PACRG: variants seen among roughly 807,000 people sequenced by gnomAD.
The protein encoded by PACRG is parkin coregulated gene protein.
PACRG carries 29 observed loss-of-function variants against 29.7 expected under a neutral mutation model. The observed-to-expected ratio is 0.98, with a 90% CI of 0.73 to 1.33. The LOEUF is 1.33. PACRG is among the 40% of genes most tolerant of loss of function. The pLI, the probability that PACRG is intolerant of heterozygous loss-of-function variation, is 0.00. For missense variants in PACRG, 279 were observed against 316.2 expected, an observed-to-expected ratio of 0.88 and a Z score of 0.89; for synonymous variants, 116 against 118.7, an observed-to-expected ratio of 0.98 and a Z score of 0.15.
chr6:162,821,123 T>C (rs1318490630), intron 2 of PACRG, among the ~76,000 whole-genome samples: 2 of 152,354 alleles, frequency 1.3e-5, no homozygotes, highest in East Asian at 1.9e-4. Context: ...GAAAACCAGA[T>C]GAAAGATTTT....
chr6:163,061,060 G>A (rs1811058559), intron 2 of PACRG, among the ~76,000 whole-genome samples: 1 of 151,938 alleles, frequency 6.6e-6, no homozygotes, highest in South Asian at 2.1e-4. Flanking sequence ...AATGTAAAAG[G>A]GAGTTTCTCA....
chr6:163,043,923 A>T (rs1012059649), intron 2 of PACRG, among the ~76,000 whole-genome samples: 7 of 152,142 alleles, frequency 4.6e-5, no homozygotes, highest in African/African-American at 1.4e-4. Flanking sequence ...GTTTTGGAAG[A>T]GTCAGAAGTG....
At chr6:163,199,709 G>A (rs1372533047) in intron 4 of PACRG, among the ~76,000 whole-genome samples, 3 of 152,186 alleles carry the variant, frequency 2.0e-5, no homozygotes, top group Non-Finnish European at 2.9e-5. Context: ...TGAGAAGGAT[G>A]CCTGGGGCAG....
At chr6:163,010,776 G>A (rs1805537061) in intron 2 of PACRG, among the ~76,000 whole-genome samples, 1 of 152,190 alleles carries the variant, frequency 6.6e-6, no homozygotes, top group Non-Finnish European at 1.5e-5. Context: ...GGAGACCCCA[G>A]GGAATGACAC....
intron 4 of PACRG, among the ~76,000 whole-genome samples, chr6:163,091,126 T>C (rs1483495118): frequency 6.6e-6 from 1 of 152,184 alleles, no homozygotes; most frequent in African/African-American, 2.4e-5. Flanking sequence ...GGCTAGAACT[T>C]ATATCTAAGC....
intron 2 of PACRG, among the ~76,000 whole-genome samples, chr6:162,895,775 T>C (rs1195965009): frequency 6.6e-6 from 1 of 152,244 alleles, no homozygotes; most frequent in African/African-American, 2.4e-5. Context: ...AGTTATCTGA[T>C]TATTACTCAC....
At chr6:163,154,688 T>A (rs565501474) in intron 4 of PACRG, among the ~76,000 whole-genome samples, 7 of 152,368 alleles carry the variant, frequency 4.6e-5, no homozygotes, top group Non-Finnish European at 7.3e-5. Context: ...ATAATTTTTT[T>A]AAATATAAGT....
At chr6:163,067,062 C>A (rs1190356284) in intron 3 of PACRG, among the ~76,000 whole-genome samples, 1 of 152,176 alleles carries the variant, frequency 6.6e-6, no homozygotes, top group Non-Finnish European at 1.5e-5. Context: ...TAAAAAGATC[C>A]CTGTCCTTCC....
At chr6:163,218,123 G>C (rs1184005172) in intron 4 of PACRG, among the ~76,000 whole-genome samples, 3 of 152,084 alleles carry the variant, frequency 2.0e-5, no homozygotes, top group African/African-American at 4.8e-5. Flanking sequence ...GAATAAATTA[G>C]CTTCCTCTTC....
At chr6:162,947,631 T>TC (rs1562767684) in intron 2 of PACRG, among the ~76,000 whole-genome samples, 13 of 71,534 alleles carry the variant, frequency 1.8e-4, no homozygotes, top group African/African-American at 4.4e-4. Flanking sequence ...TATATATATA[T>TC]ATATATATAT....
intron 1 of PACRG, among the ~76,000 whole-genome samples, chr6:162,732,280 AG>A (rs751235430): frequency 4.6e-5 from 7 of 152,200 alleles, no homozygotes; most frequent in Admixed American, 1.3e-4. Flanking sequence ...CACCTACTTC[AG>A]GTGGAGGAGA....
At chr6:163,186,223 A>G (rs916782230) in intron 4 of PACRG, among the ~76,000 whole-genome samples, 29 of 152,186 alleles carry the variant, frequency 1.9e-4, no homozygotes, top group African/African-American at 7.0e-4. Flanking sequence ...GAATGGAGCC[A>G]AGGGGTGGAC....
chr6:163,029,562 T>C (rs1807463782), intron 2 of PACRG, among the ~76,000 whole-genome samples: 1 of 152,238 alleles, frequency 6.6e-6, no homozygotes, highest in Admixed American at 6.5e-5. Flanking sequence ...ATTGCATCAA[T>C]TTGGAAGGAA....
intron 4 of PACRG, chr6:163,090,448 A>G (rs1813996942): frequency 6.6e-6 from 1 of 152,196 alleles, no homozygotes; most frequent in African/African-American, 2.4e-5. Flanking sequence ...GAGTGCTTGC[A>G]ATGGTATTCT....
intron 2 of PACRG, among the ~76,000 whole-genome samples, chr6:162,952,077 A>G (rs1799695307): frequency 6.6e-6 from 1 of 152,240 alleles, no homozygotes; most frequent in Non-Finnish European, 1.5e-5. Context: ...AACTGAAATG[A>G]CAGGGGTAAT....
chr6:163,143,727 G>C (rs1777651879), intron 4 of PACRG, among the ~76,000 whole-genome samples: 1 of 151,940 alleles, frequency 6.6e-6, no homozygotes, highest in African/African-American at 2.4e-5. Flanking sequence ...AAATCAACAG[G>C]CCTGGGCGAC....
chr6:163,183,246 G>A (rs889455357), intron 4 of PACRG: 1 of 149,606 alleles, frequency 6.7e-6, no homozygotes, highest in African/African-American at 2.6e-5. Flanking sequence ...GGGTGCTCTG[G>A]GGGCTCGAAG....
At chr6:163,134,578 G>A (rs899036885) in intron 4 of PACRG, among the ~76,000 whole-genome samples, 42 of 152,092 alleles carry the variant, frequency 2.8e-4, no homozygotes, top group African/African-American at 9.9e-4. Context: ...AGGACATGCC[G>A]TCAATTTTGT....
At chr6:163,113,971 G>A (rs541781088) in intron 4 of PACRG, among the ~76,000 whole-genome samples, 14 of 152,256 alleles carry the variant, frequency 9.2e-5, no homozygotes, top group East Asian at 5.8e-4. Context: ...GTATTAAGAC[G>A]TAATTTTGTA....
Sources: gnomAD v4.1 joint callset for allele counts (sites outside exome capture counted in the v4.1 genomes callset) on GRCh38, gnomAD v4.1.1 for gene constraint, MANE v1.5 for transcripts, NCBI Gene and HGNC (gene_info 2026-07-23, HGNC 2026-07-21) for gene names.